Variants in PROSER1 observed in about 807,000 individuals in gnomAD.
The protein encoded by PROSER1 is proline and serine-rich protein 1.
In PROSER1, 36 loss-of-function variants were observed where a neutral mutation model predicts 71.8. The ratio of observed to expected loss-of-function variants is 0.50; its 90% confidence interval spans 0.38 to 0.66. The LOEUF is 0.66. PROSER1 is among the 30% of genes least tolerant of loss of function. PROSER1 has a pLI of 0.00. For synonymous variants in PROSER1, 490 were observed against 452.4 expected (o/e 1.08, Z -1.06); for missense variants, 1,107 against 1,135.0 (o/e 0.98, Z 0.35).
In PROSER1 at chr13:39,011,169, T is replaced by C. The variant is rs1869629169; in HGVS notation, c.*196A>G. 1.7e-6 allele frequency: 1 copy of C among 590,092 alleles called. No homozygotes were observed. The highest frequency in any genetic ancestry group is 2.9e-5 in the East Asian group (1 of 34,898). The allele number at this position is 590,092 out of a possible 1,614,324, so 36.6% of individuals were successfully genotyped here. ...AAATACCATTCTCCATACAATTTAT[T>C]GTCAGCATATTTACATAGGGGAGTG... On this transcript the variant is annotated 3_prime_UTR_variant, in exon 13 of 13. Coordinates refer to ENST00000352251, the MANE Select transcript of PROSER1 (RefSeq NM_025138.5).
At chr13:39,034,591 T>C (rs1247537398) in intron 1 of PROSER1, among the ~76,000 whole-genome samples, 1 of 152,250 alleles carries the variant, frequency 6.6e-6, no homozygotes, top group Non-Finnish European at 1.5e-5. Context: ...TACTCATTCA[T>C]CAATTATTGA....
At position 39,010,677 on chromosome 13, in the gene PROSER1, C is replaced by T. The variant is rs1400770961; in HGVS notation, c.*688G>A. 1 of 152,602 alleles carries T rather than the reference C, an allele frequency of 6.6e-6. No homozygotes were observed. Among genetic ancestry groups the T allele is most frequent in the Non-Finnish European group, 1.5e-5 (1 of 68,044 alleles). 9.5% of individuals were successfully genotyped at this position (152,602 alleles called of 1,614,324 possible). A position where few individuals can be genotyped will look rare whatever the true frequency, so the allele number is the denominator to read the frequency against. ...GAGATTAGGAAAACTGTTTTGAAGG[C>T]AAATTATCCTAAGTCTTACTTGTAT... On this transcript the variant is annotated 3_prime_UTR_variant, in exon 13 of 13. Transcript: ENST00000352251.
intron 5 of PROSER1, among the ~76,000 whole-genome samples, chr13:39,028,012 C>A (rs1053233650): frequency 3.3e-5 from 5 of 152,158 alleles, no homozygotes; most frequent in African/African-American, 1.2e-4. Context: ...GAGTGGCCAA[C>A]TGACTTCTCA....
intron 3 of PROSER1, among the ~76,000 whole-genome samples, chr13:39,030,732 T>A (rs1468142522): frequency 1.3e-5 from 2 of 152,118 alleles, no homozygotes; most frequent in Non-Finnish European, 2.9e-5. Flanking sequence ...AAGCCCCTTA[T>A]CAATATTTCT....
rs747003037 is a variant in PROSER1 at position 39,034,199 on chromosome 13, A to G, written c.46-3T>C. On this transcript the variant is annotated splice_region_variant and splice_polypyrimidine_tract_variant and intron_variant, in intron 1 of 12. Coordinates refer to ENST00000352251, the MANE Select transcript of PROSER1 (RefSeq NM_025138.5). ...AATTTGTATTCTGTCAAAACAGCCT[A>G]AAAAAAAAAAACACACACACACAGA... The G allele has an allele frequency of 1.7e-5, 14 of 818,734 alleles. No homozygotes were observed. The highest frequency in any genetic ancestry group is 1.0e-4 in the Admixed American group (3 of 28,584). 50.7% of individuals were successfully genotyped at this position (818,734 alleles called of 1,614,324 possible).
chr13:39,037,143 G>A (rs1042624787), intron 1 of PROSER1, 55 bp downstream of exon 1: 10 of 1,316,190 alleles, frequency 7.6e-6, no homozygotes, highest in East Asian at 2.3e-5. Flanking sequence ...CTCAAAGAGA[G>A]TCTAAAACAC....
Position 39,037,219 on chromosome 13 carries a change from C to T in PROSER1, c.24G>A (p.Met8Ile). Residue 8 changes from methionine to isoleucine, a missense_variant, in exon 1 of 13, where the codon ATG (methionine) becomes ATA (isoleucine). Met to Ile is a conservative substitution (Grantham distance 10). Coordinates refer to ENST00000352251, the MANE Select transcript of PROSER1 (RefSeq NM_025138.5). MDKKSFEMVLDEIRKAVL... is the reference protein window; with the variant it reads MDKKSFEIVLDEIRKAVL... Reference sequence around the variant, plus strand: ...TTACCTTTCTAATTTCATCCAGCACCATTTCAAAGGACTTTTTATCCATCT... The same window carrying T: ...TTACCTTTCTAATTTCATCCAGCACTATTTCAAAGGACTTTTTATCCATCT... 5 of 1,610,182 alleles carry T rather than the reference C, an allele frequency of 3.1e-6. No homozygotes were observed. The highest frequency in any genetic ancestry group is 4.3e-6 in the Non-Finnish European group (5 of 1,176,450).
In PROSER1 at chr13:39,034,209, A is replaced by ACAC; in HGVS notation, c.46-14_46-13insGTG. ...CTGTCAAAACAGCCTAAAAAAAAAA[A>ACAC]ACACACACACACAGAGTAAAACAGC... On this transcript the variant is annotated splice_polypyrimidine_tract_variant and intron_variant, in intron 1 of 12. Coordinates refer to ENST00000352251, the MANE Select transcript of PROSER1 (RefSeq NM_025138.5). 7.7e-6 allele frequency: 12 copies of ACAC among 1,549,382 alleles called. No homozygotes were observed. In the South Asian group the frequency reaches 1.2e-4, roughly 16 times the overall value.
At chr13:39,028,635 A>G (rs1870662365) in intron 4 of PROSER1, among the ~76,000 whole-genome samples, 1 of 152,200 alleles carries the variant, frequency 6.6e-6, no homozygotes. Context: ...CATGTGTTAA[A>G]TGCATAAAAA....
chr13:39,035,404 T>TA (rs1177010116), intron 1 of PROSER1, among the ~76,000 whole-genome samples: 1 of 152,066 alleles, frequency 6.6e-6, no homozygotes, highest in Non-Finnish European at 1.5e-5. Context: ...GCCCCCAACT[T>TA]ACCACCTAGG....
chr13:39,037,388 GAGT>G lies in PROSER1; in HGVS notation c.-149_-147del. The stretch of plus-strand genomic sequence containing the variant: ...GCAAGAGAGGATGCGAAGAGGTAGA[GAGT>G]ATTGCAAACTTCGCAAAAAAAATTT... On this transcript the variant is annotated 5_prime_UTR_variant, in exon 1 of 13. Coordinates refer to ENST00000352251, the MANE Select transcript of PROSER1 (RefSeq NM_025138.5). The G allele has an allele frequency of 1.5e-6, 1 of 655,514 alleles. No homozygotes were observed. The highest frequency in any genetic ancestry group is 2.7e-6 in the Non-Finnish European group (1 of 366,752). 40.6% of individuals were successfully genotyped at this position (655,514 alleles called of 1,614,324 possible). A position where few individuals can be genotyped will look rare whatever the true frequency, so the allele number is the denominator to read the frequency against.
At position 39,011,484 on chromosome 13, in the gene PROSER1, G is replaced by A. The variant is rs1486019729; in HGVS notation, c.2716C>T (p.His906Tyr). The change falls in exon 13 of 13, where the codon CAT (histidine) becomes TAT (tyrosine). Residue 906 changes from histidine (H) to tyrosine (Y), a missense_variant. Transcript: ENST00000352251. ...AAQSALLQQV[H>Y]SASALESYPA... ...TAGCTTTCCAGAGCCGAAGCTGAAT[G>A]GACCTGATGGAAAGAAGAGCGTGTG... The A allele has an allele frequency of 6.2e-7, 1 of 1,613,794 alleles. No homozygotes were observed.
Position 39,011,370 on chromosome 13 carries a change from G to A in PROSER1, c.2830C>T (p.Gln944Ter), listed in dbSNP as rs1869645235. The A allele has an allele frequency of 6.2e-7, 1 of 1,613,938 alleles. No homozygotes were observed. Among genetic ancestry groups the A allele is most frequent in the Non-Finnish European group, 8.5e-7 (1 of 1,179,886 alleles). ...AGAATAAAAGTTAAAAGTATTCACT[G>A]CCACCCACTCTGGGACAGGCTTGGT... ...LQPSLSQSGW[Q>*] The change falls in exon 13 of 13, where the codon CAG becomes TAG. Residue 944 changes from glutamine (Q) to a stop codon, truncating the protein, a stop_gained. Coordinates refer to ENST00000352251, the MANE Select transcript of PROSER1 (RefSeq NM_025138.5). LOFTEE classifies it high-confidence loss of function.
At chr13:39,018,518 T>A (rs945797556) in intron 9 of PROSER1, among the ~76,000 whole-genome samples, 9 of 117,044 alleles carry the variant, frequency 7.7e-5, no homozygotes, top group Non-Finnish European at 1.4e-4. Flanking sequence ...ACACACACAC[T>A]ACTGGGAAAT....
Position 39,013,408 on chromosome 13 carries a change from G to C in PROSER1, c.1844C>G (p.Thr615Ser). 2 of 1,614,180 alleles carry C rather than the reference G, an allele frequency of 1.2e-6. No individual in the cohort carries two copies. Among genetic ancestry groups the C allele is most frequent in the Non-Finnish European group, 1.7e-6 (2 of 1,180,030 alleles). Residue 615 changes from threonine to serine, a missense_variant, in exon 11 of 13, where the codon ACT becomes AGT. By Grantham distance (58) the Thr-to-Ser change is moderately conservative. Transcript: ENST00000352251. The stretch of plus-strand genomic sequence containing the variant: ...AGATGGACCTTTGAAGGCCGAGGGA[G>C]TAGGACTTGTGGGCTCAGTTTTGAT... ...VMIKTEPTSP[T>S]PSAFKGPSHS...
chr13:39,022,542 A>G, intron 8 of PROSER1, 130 bp from the exon 9 acceptor site: 1 of 615,724 alleles, frequency 1.6e-6, no homozygotes, highest in Non-Finnish European at 2.9e-6. Flanking sequence ...TATTTAATAC[A>G]GTTGATTTTA....
intron 8 of PROSER1, chr13:39,022,647 G>A (rs1870349743): frequency 2.2e-6 from 1 of 461,612 alleles, no homozygotes; most frequent in Admixed American, 3.6e-5. Context: ...GCAGGGATAA[G>A]TTCAGTGAAT....
At chr13:39,016,723 G>T (rs1870023861) in intron 10 of PROSER1, among the ~76,000 whole-genome samples, 1 of 152,068 alleles carries the variant, frequency 6.6e-6, no homozygotes, top group Admixed American at 6.5e-5. Flanking sequence ...TAAGAAACTG[G>T]ATGTCCTGAC....
At chr13:39,017,456 C>A in intron 10 of PROSER1, 44 bp downstream of exon 10, 1 of 1,219,102 alleles carries the variant, frequency 8.2e-7, no homozygotes, top group South Asian at 1.3e-5. Context: ...ACAGAGCAAA[C>A]CATGACAGAT....
Sources: gnomAD v4.1 joint callset for allele counts (sites outside exome capture counted in the v4.1 genomes callset) on GRCh38, gnomAD v4.1.1 for gene constraint, MANE v1.5 for transcripts, NCBI Gene and HGNC (gene_info 2026-07-23, HGNC 2026-07-21) for gene names.